Variants in GNAI1 observed in about 807,000 individuals in gnomAD.
The protein encoded by GNAI1 is G protein subunit alpha i1.
In GNAI1, 11 loss-of-function variants were observed where a neutral mutation model predicts 38.9. The ratio of observed to expected loss-of-function variants is 0.28; its 90% confidence interval spans 0.18 to 0.47. GNAI1 has a LOEUF of 0.47. GNAI1 is among the 20% of genes least tolerant of loss of function. The pLI is 0.99. For missense variants in GNAI1, 317 were observed against 436.9 expected (o/e 0.73, Z 2.45); for synonymous variants, 166 against 145.1 (o/e 1.14, Z -1.04).
chr7:80,150,976 C>T (rs10274707), intron 1 of GNAI1, among the ~76,000 whole-genome samples: 40,645 of 152,098 alleles, frequency 0.27, 6,570 homozygotes, highest in South Asian at 0.38. Flanking sequence ...TTGATGGTAT[C>T]AGTAACTGGC....
chr7:80,169,784 T>C (rs1788071019), intron 1 of GNAI1, among the ~76,000 whole-genome samples: 1 of 152,212 alleles, frequency 6.6e-6, no homozygotes, highest in African/African-American at 2.4e-5. Flanking sequence ...TTTTGGAATA[T>C]TTATATTACC....
At chr7:80,192,213 G>C (rs184162161) in intron 3 of GNAI1, among the ~76,000 whole-genome samples, 97 of 152,178 alleles carry the variant, frequency 6.4e-4, no homozygotes, top group African/African-American at 2.0e-3. Context: ...TTTCTTATTA[G>C]AATGGCATTC....
intron 1 of GNAI1, among the ~76,000 whole-genome samples, chr7:80,146,483 A>G (rs545139754): frequency 4.6e-5 from 7 of 152,152 alleles, no homozygotes; most frequent in Non-Finnish European, 8.8e-5. Flanking sequence ...TTTTTTTCCC[A>G]CAATTATTCC....
intron 1 of GNAI1, among the ~76,000 whole-genome samples, chr7:80,169,373 T>C (rs899455840): frequency 6.6e-6 from 1 of 152,212 alleles, no homozygotes; most frequent in African/African-American, 2.4e-5. Context: ...GTAATAGACA[T>C]GTATCATTTT....
At chr7:80,143,919 T>TGC (rs1294740793) in intron 1 of GNAI1, among the ~76,000 whole-genome samples, 14 of 49,160 alleles carry the variant, frequency 2.8e-4, no homozygotes, top group Admixed American at 1.2e-3. Flanking sequence ...TGTGTGTGTG[T>TGC]GTGCGCGCGT....
At chr7:80,199,437 A>C in intron 4 of GNAI1, 55 bp downstream of exon 4, 1 of 1,318,036 alleles carries the variant, frequency 7.6e-7, no homozygotes, top group East Asian at 2.4e-5. Context: ...TTGCAAGTCA[A>C]ATATACTTCC....
intron 1 of GNAI1, among the ~76,000 whole-genome samples, chr7:80,167,873 T>C (rs748338461): frequency 3.9e-5 from 6 of 152,236 alleles, no homozygotes; most frequent in Non-Finnish European, 8.8e-5. Flanking sequence ...AAAGTCTTTG[T>C]GTTTATGTGG....
intron 4 of GNAI1, among the ~76,000 whole-genome samples, chr7:80,200,143 T>A (rs1788652380): frequency 6.6e-6 from 1 of 150,526 alleles, no homozygotes; most frequent in South Asian, 2.1e-4. Flanking sequence ...TAACGAGACC[T>A]CCCCCCACCA....
At chr7:80,210,676 A>C (rs574959931) in intron 5 of GNAI1, among the ~76,000 whole-genome samples, 1 of 148,542 alleles carries the variant, frequency 6.7e-6, no homozygotes, top group African/African-American at 2.5e-5. Context: ...TAATGTTCTA[A>C]GTGTTCTCAT....
At chr7:80,137,317 C>CTTTTTTTTTTTTTTTTTTTTTTTTTTTT (rs398005254) in intron 1 of GNAI1, among the ~76,000 whole-genome samples, 6 of 53,996 alleles carry the variant, frequency 1.1e-4, no homozygotes, top group Non-Finnish European at 1.7e-4. Context: ...CTTTTCTTTT[C>CTTTTTTTTTTTTTTTTTTTTTTTTTTTT]TTTTTTTTTT....
rs1284841681 is a variant in GNAI1 at position 80,219,594 on chromosome 7, T to C, written c.*2101T>C. On this transcript the variant is annotated 3_prime_UTR_variant, in exon 8 of 8. Transcript: ENST00000649796. ...CTTGATATCCCCTTCTGAGAATGCATTGCCTGCTTTTTAACTCATTATATT... is the reference window on the plus strand; with the variant it reads ...CTTGATATCCCCTTCTGAGAATGCACTGCCTGCTTTTTAACTCATTATATT... 6.6e-6 allele frequency among the ~76,000 whole-genome samples: 1 copy of C among 152,180 alleles called. No homozygotes were observed. Among genetic ancestry groups the C allele is most frequent in the African/African-American group, 2.4e-5 (1 of 41,464 alleles).
At chr7:80,151,996 A>G (rs899884118) in intron 1 of GNAI1, among the ~76,000 whole-genome samples, 1 of 152,186 alleles carries the variant, frequency 6.6e-6, no homozygotes, top group African/African-American at 2.4e-5. Flanking sequence ...TGACATGTTT[A>G]TTTTTAATTT....
chr7:80,222,401 T>C lies in GNAI1; in HGVS notation c.*4908T>C, dbSNP rs1425657029. Among the ~76,000 whole-genome samples, 4 of 131,838 alleles carry C rather than the reference T, an allele frequency of 3.0e-5. No individual in the cohort carries two copies. The highest frequency in any genetic ancestry group is 8.1e-5 in the African/African-American group (3 of 37,092). 86.5% of individuals were successfully genotyped at this position (131,838 alleles called of 152,430 possible). On this transcript the variant is annotated 3_prime_UTR_variant, in exon 8 of 8. Transcript: ENST00000649796. Reference sequence around the variant, plus strand: ...AATTTAATTTTTTTTTTTTTTTTTTTCCTGAGACAGAGTTTCGTTCTTGTT... The same window carrying C: ...AATTTAATTTTTTTTTTTTTTTTTTCCCTGAGACAGAGTTTCGTTCTTGTT...
Position 80,220,246 on chromosome 7 carries a change from T to C in GNAI1, c.*2753T>C, listed in dbSNP as rs1031098238. The stretch of plus-strand genomic sequence containing the variant: ...TCCAAGTACTGTATTACTTACTACA[T>C]GTGATATGCTTAGAGCAGTGCCTAC... On this transcript the variant is annotated 3_prime_UTR_variant, in exon 8 of 8. Transcript: ENST00000649796. Among the ~76,000 whole-genome samples the C allele has an allele frequency of 1.1e-4, 16 of 151,892 alleles. No individual in the cohort carries two copies. Among genetic ancestry groups the C allele is most frequent in the African/African-American group, 3.6e-4 (15 of 41,350 alleles).
rs17153480 is a variant in GNAI1 at position 80,135,820 on chromosome 7, A to G, written c.118+542A>G. The G allele has an allele frequency of 4.7e-4, 464 of 985,128 alleles. 5 individuals are homozygous for G. The African/African-American group carries it at 7.4e-3, about 16-fold the overall frequency. 61.0% of individuals were successfully genotyped at this position (985,128 alleles called of 1,614,324 possible). The stretch of plus-strand genomic sequence containing the variant: ...GAAGCGTCTTTCCTGTTAACTTCCT[A>G]TGGCGACTCCTTAAGTGGTCAAGGA... On this transcript the variant is annotated intron_variant, in intron 1 of 7. Transcript: ENST00000649796.
chr7:80,216,185 A>G (rs1788965001), intron 7 of GNAI1, among the ~76,000 whole-genome samples: 1 of 151,360 alleles, frequency 6.6e-6, no homozygotes, highest in East Asian at 1.9e-4. Flanking sequence ...ATACATACGT[A>G]CACACACACC....
At chr7:80,217,235 T>TGACTTCAGTTTCATATGTATGAAACC in intron 7 of GNAI1, 68 bp from the exon 8 acceptor site, 1 of 1,041,110 alleles carries the variant, frequency 9.6e-7, no homozygotes, top group Non-Finnish European at 1.4e-6. Flanking sequence ...TGTATGAAAC[T>TGACTTCAGTTTCATATGTATGAAACC]GAATTCAGTA....
chr7:80,190,619 A>G (rs867818860), intron 3 of GNAI1, among the ~76,000 whole-genome samples: 44 of 152,284 alleles, frequency 2.9e-4, no homozygotes, highest in African/African-American at 1.0e-3. Flanking sequence ...TTTGTTTAAA[A>G]GACTGCACAG....
chr7:80,196,563 G>C (rs1788578205), intron 3 of GNAI1, among the ~76,000 whole-genome samples: 1 of 151,878 alleles, frequency 6.6e-6, no homozygotes, highest in Non-Finnish European at 1.5e-5. Flanking sequence ...TCCTATTTTA[G>C]ATAATGAATC....
Sources: gnomAD v4.1 joint callset for allele counts (sites outside exome capture counted in the v4.1 genomes callset) on GRCh38, gnomAD v4.1.1 for gene constraint, MANE v1.5 for transcripts, NCBI Gene and HGNC (gene_info 2026-07-23, HGNC 2026-07-21) for gene names.